Variants in PHLDB2 observed in about 807,000 individuals in gnomAD.
PHLDB2 encodes the protein pleckstrin homology-like domain family B member 2.
Under a neutral mutation model 123.6 loss-of-function variants are expected in PHLDB2, and 71 were observed. The observed-to-expected ratio is 0.57, with a 90% CI of 0.47 to 0.70. The LOEUF is 0.70. Ranked by LOEUF, PHLDB2 falls within the 30% of genes least tolerant of loss-of-function variation. The pLI is 0.00. For synonymous variants in PHLDB2, 547 were observed against 541.6 expected (o/e 1.01, Z -0.14); for missense variants, 1,446 against 1,519.5 (o/e 0.95, Z 0.80).
chr3:111,878,298 T>C (rs746334380), intron 1 of PHLDB2, among the ~76,000 whole-genome samples: 1 of 152,228 alleles, frequency 6.6e-6, no homozygotes, highest in Non-Finnish European at 1.5e-5. Context: ...CTAGGTATTT[T>C]ATTCTCTTTG....
intron 12 of PHLDB2, among the ~76,000 whole-genome samples, chr3:111,954,395 T>G (rs2070907520): frequency 1.3e-5 from 2 of 152,192 alleles, no homozygotes; most frequent in South Asian, 4.1e-4. Context: ...TGAGCCACTA[T>G]GTCGAATGAA....
At chr3:111,971,773 G>A (rs529159) in intron 16 of PHLDB2, among the ~76,000 whole-genome samples, 31,585 of 152,120 alleles carry the variant, frequency 0.21, 3,543 homozygotes, top group African/African-American at 0.29. Context: ...GGAAATGGCC[G>A]TGTACTTGTG....
intron 1 of PHLDB2, among the ~76,000 whole-genome samples, chr3:111,772,652 T>C (rs2060197763): frequency 6.6e-6 from 1 of 152,190 alleles, no homozygotes; most frequent in Non-Finnish European, 1.5e-5. Context: ...TCTTTTTGGG[T>C]TTGCATTGGC....
chr3:111,742,171 AC>A (rs2059614288), intron 1 of PHLDB2, among the ~76,000 whole-genome samples: 1 of 152,074 alleles, frequency 6.6e-6, no homozygotes. Context: ...TTCTCTTTTA[AC>A]CAGTATCTGA....
At chr3:111,802,447 A>G (rs1394545003) in intron 1 of PHLDB2, among the ~76,000 whole-genome samples, 2 of 152,196 alleles carry the variant, frequency 1.3e-5, no homozygotes, top group African/African-American at 2.4e-5. Flanking sequence ...AAAATAACTA[A>G]TGACACTCCT....
chr3:111,769,717 C>T (rs2060141521), intron 1 of PHLDB2, among the ~76,000 whole-genome samples: 2 of 152,230 alleles, frequency 1.3e-5, no homozygotes, highest in African/African-American at 4.8e-5. Context: ...TCTGGATGTG[C>T]AATATTATCT....
At chr3:111,943,255 C>CTT (rs1219027466) in intron 8 of PHLDB2, among the ~76,000 whole-genome samples, 1 of 152,080 alleles carries the variant, frequency 6.6e-6, no homozygotes, top group East Asian at 1.9e-4. Context: ...TATATACTGT[C>CTT]TTTTGATTTT....
intron 10 of PHLDB2, 129 bp downstream of exon 10, chr3:111,949,204 G>A: frequency 1.9e-6 from 2 of 1,065,284 alleles, no homozygotes; most frequent in Admixed American, 5.0e-5. Flanking sequence ...AGAGGGGTAG[G>A]GTAAGGCTGA....
intron 14 of PHLDB2, 50 bp from the exon 15 acceptor site, chr3:111,967,628 A>G (rs1446066197): frequency 1.3e-6 from 2 of 1,528,978 alleles, no homozygotes; most frequent in South Asian, 2.5e-5. Context: ...GGAACCATTC[A>G]AGTATAACCA....
chr3:111,758,910 C>G (rs1476692478), intron 1 of PHLDB2, among the ~76,000 whole-genome samples: 1 of 151,998 alleles, frequency 6.6e-6, no homozygotes, highest in Non-Finnish European at 1.5e-5. Context: ...GCGGCACAGA[C>G]AGAGACAACA....
At position 111,784,542 on chromosome 3, in the gene PHLDB2, G is replaced by T. The variant is rs114128593; in HGVS notation, c.-49+51839G>T. Among the ~76,000 whole-genome samples, 637 of 152,240 alleles carry T rather than the reference G, an allele frequency of 4.2e-3. 1 individual carries two copies. Among genetic ancestry groups the T allele is most frequent in the African/African-American group, 0.015 (614 of 41,550 alleles). On this transcript the variant is annotated intron_variant, in intron 1 of 17. Transcript: ENST00000393923. ...AGGCCCCTCTCTCATAAACCGTGCT[G>T]ATAAGCAGCATAAGCAAGAACTAAT... is the stretch of plus-strand genomic sequence containing the variant.
intron 1 of PHLDB2, among the ~76,000 whole-genome samples, chr3:111,825,727 G>A (rs1338093604): frequency 6.6e-6 from 1 of 152,102 alleles, no homozygotes; most frequent in Admixed American, 6.5e-5. Flanking sequence ...GGATTGCCGG[G>A]GTGAGCCACC....
chr3:111,811,500 A>G (rs1002133485), intron 1 of PHLDB2, among the ~76,000 whole-genome samples: 1 of 152,160 alleles, frequency 6.6e-6, no homozygotes, highest in African/African-American at 2.4e-5. Flanking sequence ...TAGGCAGTTT[A>G]TTTATTATTA....
chr3:111,964,664 A>G (rs1203562241), intron 13 of PHLDB2, among the ~76,000 whole-genome samples: 1 of 152,174 alleles, frequency 6.6e-6, no homozygotes, highest in Non-Finnish European at 1.5e-5. Context: ...TCATTGCACA[A>G]TGTATGCATA....
chr3:111,786,415 A>T (rs967475785), intron 1 of PHLDB2, among the ~76,000 whole-genome samples: 1 of 152,170 alleles, frequency 6.6e-6, no homozygotes, highest in Non-Finnish European at 1.5e-5. Context: ...GAATTCAAAC[A>T]ATTACTAAAT....
At chr3:111,834,058 ATATGTAATAGAATTATATATACT>A in intron 1 of PHLDB2, among the ~76,000 whole-genome samples, 1 of 120,110 alleles carries the variant, frequency 8.3e-6, no homozygotes, top group African/African-American at 3.6e-5. Flanking sequence ...TATATATAAT[ATATGTAATAGAATTATATATACT>A]ATATATGTAA....
chr3:111,772,343 T>C (rs1452654460), intron 1 of PHLDB2, among the ~76,000 whole-genome samples: 1 of 152,120 alleles, frequency 6.6e-6, no homozygotes, highest in Non-Finnish European at 1.5e-5. Context: ...AAATAAATTA[T>C]ATTTAGACTA....
chr3:111,932,289 T>C lies in PHLDB2; in HGVS notation c.2022T>C (p.Ala674=). Residue 674 remains alanine, a synonymous_variant, in exon 6 of 18, where the codon GCT becomes GCC. Transcript: ENST00000431670. ...EKTKEKVKLD[A]EREKLERLQE... is the part of the protein sequence containing the mutation. Reference sequence around the variant, plus strand: ...TTCAGGAGAAGGTAAAGCTTGATGCTGAAAGGGAAAAACTAGAGAGGCTTC... The same window carrying C: ...TTCAGGAGAAGGTAAAGCTTGATGCCGAAAGGGAAAAACTAGAGAGGCTTC... 1.3e-6 allele frequency: 2 copies of C among 1,551,420 alleles called. No homozygotes were observed. Among genetic ancestry groups the C allele is most frequent in the South Asian group, 1.2e-5 (1 of 84,032 alleles).
intron 2 of PHLDB2, among the ~76,000 whole-genome samples, chr3:111,853,628 C>CA (rs2064356242): frequency 1.3e-5 from 2 of 152,156 alleles, no homozygotes; most frequent in Admixed American, 6.5e-5. Context: ...GTAATCCCAG[C>CA]ACTTTGGAAG....
Sources: gnomAD v4.1 joint callset for allele counts (sites outside exome capture counted in the v4.1 genomes callset) on GRCh38, gnomAD v4.1.1 for gene constraint, MANE v1.5 for transcripts, NCBI Gene and HGNC (gene_info 2026-07-23, HGNC 2026-07-21) for gene names.